Variants in PCDHGA6 observed in about 807,000 individuals in gnomAD.
PCDHGA6 encodes the protein protocadherin gamma-A6.
A neutral mutation model predicts 60.6 loss-of-function variants in PCDHGA6; 41 were observed. That is an observed-to-expected ratio of 0.68 (90% CI 0.53 to 0.88). The LOEUF (loss-of-function observed/expected upper bound fraction) is 0.88, where lower values mean the gene tolerates loss of function less well. Among genes scored for constraint, PCDHGA6 ranks in the 40% least tolerant of loss-of-function variants. The pLI, the probability that PCDHGA6 is intolerant of heterozygous loss-of-function variation, is 0.00. For synonymous variants in PCDHGA6, 594 were observed against 524.4 expected (o/e 1.13, Z -1.81); for missense variants, 1,312 against 1,203.0 (o/e 1.09, Z -1.34).
intron 1 of PCDHGA6, chr5:141,415,791 C>CTTT: frequency 1.5e-6 from 2 of 1,341,938 alleles, no homozygotes; most frequent in Non-Finnish European, 1.9e-6. Flanking sequence ...GTAAAATTCA[C>CTTT]CTAGTCTCAA....
In PCDHGA6 at chr5:141,511,519, C is replaced by G; in HGVS notation, c.*346C>G. 2.7e-6 allele frequency: 1 copy of G among 367,516 alleles called. No homozygotes were observed. Among genetic ancestry groups the G allele is most frequent in the African/African-American group, 2.1e-5 (1 of 48,286 alleles). 22.8% of individuals were successfully genotyped at this position (367,516 alleles called of 1,614,324 possible). A position where few individuals can be genotyped will look rare whatever the true frequency, so the allele number is the denominator to read the frequency against. ...CCAAATCAATCAGGCCCATCCATCC[C>G]ATGCCTCCCTCCTCCCCACCCCACT... On this transcript the variant is annotated 3_prime_UTR_variant, in exon 4 of 4. Coordinates refer to ENST00000517434, the MANE Select transcript of PCDHGA6 (RefSeq NM_018919.3).
chr5:141,508,139 G>C (rs1243018384), intron 3 of PCDHGA6: 1 of 152,514 alleles, frequency 6.6e-6, no homozygotes, highest in African/African-American at 2.4e-5. Flanking sequence ...CAGGGAGCTG[G>C]GGGCTGAGTT....
intron 1 of PCDHGA6, chr5:141,379,532 T>C (rs547960333): frequency 7.9e-5 from 12 of 152,376 alleles, no homozygotes; most frequent in African/African-American, 2.9e-4. Context: ...TTTGTTGTTA[T>C]AGGGAAAGCT....
At chr5:141,474,557 G>T (rs1261720500) in intron 1 of PCDHGA6, among the ~76,000 whole-genome samples, 2 of 152,184 alleles carry the variant, frequency 1.3e-5, no homozygotes, top group Admixed American at 1.3e-4. Context: ...AAAACTGGGG[G>T]TTTTCAGAGA....
chr5:141,375,133 A>G lies in PCDHGA6; in HGVS notation c.1050A>G (p.Thr350=). 1.2e-6 allele frequency: 2 copies of G among 1,613,958 alleles called. No individual in the cohort carries two copies. The highest frequency in any genetic ancestry group is 1.7e-6 in the Non-Finnish European group (2 of 1,179,880). ...VNDNVPEVVV[T]SGSRTIAESA... ...ATAATGTACCAGAAGTGGTTGTTAC[A>G]TCTGGAAGCAGAACAATTGCTGAAA... The change falls in exon 1 of 4, where the codon ACA becomes ACG. Residue 350 remains threonine (T), a synonymous_variant. Coordinates refer to ENST00000517434, the MANE Select transcript of PCDHGA6 (RefSeq NM_018919.3).
In PCDHGA6 at chr5:141,376,457, C is replaced by T. The variant is rs945491393; in HGVS notation, c.2374C>T (p.Leu792=). 1 of 1,614,214 alleles carries T rather than the reference C, an allele frequency of 6.2e-7. No individual in the cohort carries two copies. The highest frequency in any genetic ancestry group is 8.5e-7 in the Non-Finnish European group (1 of 1,180,034). Residue 792 remains leucine (L), a synonymous_variant, in exon 1 of 4, where the codon CTG becomes TTG. Coordinates refer to ENST00000517434, the MANE Select transcript of PCDHGA6 (RefSeq NM_018919.3). The stretch of plus-strand genomic sequence containing the variant: ...GAGCTATGAGAAAAGCGAGCCTCTT[C>T]TGATAACTCAGGATTTACTTGAAAC... The part of the protein sequence containing the change: ...QESYEKSEPL[L]ITQDLLETKG...
intron 1 of PCDHGA6, chr5:141,416,678 G>T (rs2096051953): frequency 6.6e-6 from 1 of 151,990 alleles, no homozygotes; most frequent in Non-Finnish European, 1.5e-5. Flanking sequence ...TGCAACGAAG[G>T]GAAATTATAT....
Position 141,489,458 on chromosome 5 carries a change from G to T in PCDHGA6, c.2425-5349G>T, listed in dbSNP as rs143138320. 1 of 1,613,924 alleles carries T rather than the reference G, an allele frequency of 6.2e-7. No homozygotes were observed. Among genetic ancestry groups the T allele is most frequent in the Non-Finnish European group, 8.5e-7 (1 of 1,180,000 alleles). On this transcript the variant is annotated intron_variant, in intron 1 of 3. Coordinates refer to ENST00000517434, the MANE Select transcript of PCDHGA6 (RefSeq NM_018919.3). The surrounding 1 kb of genome is among the most constrained non-coding windows in gnomAD (Gnocchi z 4.5). ...CAATTGGGCTCTGAGGAGAATGGGC[G>T]CTATTTTTCCCTGAGCTTGATGAGT...
rs759446483 is a variant in PCDHGA6 at position 141,376,133 on chromosome 5, C to T, written c.2050C>T (p.Pro684Ser). Residue 684 changes from proline to serine, a missense_variant, in exon 1 of 4, where the codon CCC becomes TCC. By Grantham distance (74) the Pro-to-Ser change is moderately conservative (BLOSUM62 -1). Coordinates refer to ENST00000517434, the MANE Select transcript of PCDHGA6 (RefSeq NM_018919.3). ...GGGCAGCCTCGAGCCCTCCGCCAAA[C>T]CCAACGATTCGGACCTCACTCTGTA... Reference protein sequence around the residue: ...DLGSLEPSAKPNDSDLTLYLV... With the variant: ...DLGSLEPSAKSNDSDLTLYLV... 1.8e-5 allele frequency: 29 copies of T among 1,613,956 alleles called. No homozygotes were observed. The East Asian group carries it at 6.2e-4, about 35-fold the overall frequency.
chr5:141,503,960 T>TTC (rs2099834474), intron 2 of PCDHGA6, among the ~76,000 whole-genome samples: 1 of 152,172 alleles, frequency 6.6e-6, no homozygotes, highest in Admixed American at 6.5e-5. Flanking sequence ...CCTACAGCCT[T>TTC]TCCCATGGTG....
chr5:141,376,685 T>TTGTTTGTTTG (rs1554084826), intron 1 of PCDHGA6, 178 bp downstream of exon 1: 2 of 813,646 alleles, frequency 2.5e-6, no homozygotes, highest in African/African-American at 3.8e-5. Flanking sequence ...CGTTTTTTTT[T>TTGTTTGTTTG]TTTTTTTTTT....
intron 1 of PCDHGA6, among the ~76,000 whole-genome samples, chr5:141,465,888 C>T (rs1031908926): frequency 5.3e-5 from 8 of 151,942 alleles, no homozygotes; most frequent in South Asian, 2.1e-4. Context: ...TTTGGGAGGC[C>T]GAGGCGGGCA....
chr5:141,383,476 GA>G, intron 1 of PCDHGA6: 2 of 1,613,748 alleles, frequency 1.2e-6, no homozygotes, highest in Non-Finnish European at 1.7e-6. Context: ...TAAGTACCCG[GA>G]ACTGGTGCTG....
chr5:141,399,944 A>C, intron 1 of PCDHGA6: 1 of 1,612,254 alleles, frequency 6.2e-7, no homozygotes, highest in Non-Finnish European at 8.5e-7. Context: ...CACGTGCTGC[A>C]GGCTAGCGAG....
rs2099727742 is a variant in PCDHGA6 at position 141,491,740 on chromosome 5, G to C, written c.2425-3067G>C. On this transcript the variant is annotated intron_variant, in intron 1 of 3. Coordinates refer to ENST00000517434, the MANE Select transcript of PCDHGA6 (RefSeq NM_018919.3). The surrounding 1 kb of genome is among the most constrained non-coding windows in gnomAD (Gnocchi z 6.9). Reference sequence around the variant, plus strand: ...GCCGCCCCGGGCGACCCCTGGGGGCGGCACTGGAGAAGCCGCCCGTCCTCA... The same window carrying C: ...GCCGCCCCGGGCGACCCCTGGGGGCCGCACTGGAGAAGCCGCCCGTCCTCA... The C allele has an allele frequency of 6.3e-7, 1 of 1,597,622 alleles. No homozygotes were observed. The highest frequency in any genetic ancestry group is 8.5e-7 in the Non-Finnish European group (1 of 1,173,228).
At chr5:141,452,227 T>C (rs2098736376) in intron 1 of PCDHGA6, among the ~76,000 whole-genome samples, 1 of 152,232 alleles carries the variant, frequency 6.6e-6, no homozygotes, top group African/African-American at 2.4e-5. Context: ...CTCTTCAAGC[T>C]GGTTCTTGTG....
At chr5:141,453,909 T>C (rs1484310834) in intron 1 of PCDHGA6, among the ~76,000 whole-genome samples, 1 of 152,236 alleles carries the variant, frequency 6.6e-6, no homozygotes, top group Non-Finnish European at 1.5e-5. Flanking sequence ...TTTCAAAGTA[T>C]GTCAGTGATC....
chr5:141,393,574 A>T (rs2092798550), intron 1 of PCDHGA6: 2 of 1,613,798 alleles, frequency 1.2e-6, no homozygotes, highest in Non-Finnish European at 1.7e-6. Context: ...GTCCTTGAGA[A>T]CATGCCCCCA....
At position 141,394,297 on chromosome 5, in the gene PCDHGA6, C is replaced by T. The variant is rs375160983; in HGVS notation, c.2424+17790C>T. 8.1e-6 allele frequency: 13 copies of T among 1,613,872 alleles called. No homozygotes were observed. Among genetic ancestry groups the T allele is most frequent in the African/African-American group, 1.3e-5 (1 of 74,926 alleles). ...GTCACTTACTCTGTGACCGAGGACA[C>T]GCTGCAGGGGGCGCCCCTGTCCTCG... On this transcript the variant is annotated intron_variant, in intron 1 of 3. Coordinates refer to ENST00000517434, the MANE Select transcript of PCDHGA6 (RefSeq NM_018919.3).
Sources: allele counts gnomAD v4.1 joint callset (sites outside exome capture counted in the v4.1 genomes callset), GRCh38; gene constraint gnomAD v4.1.1; non-coding constraint Gnocchi (gnomAD v3.1); transcripts MANE v1.5; gene names NCBI Gene and HGNC (gene_info 2026-07-23, HGNC 2026-07-21).